GARIN2: variants seen among roughly 807,000 people sequenced by gnomAD.
GARIN2 encodes golgi associated RAB2 interactor family member 2.
At chr14:67,216,272 A>T in the GARIN2 span, among the ~76,000 whole-genome samples, 1 of 152,156 alleles carries the variant, frequency 6.6e-6, no homozygotes, top group East Asian at 1.9e-4. Flanking sequence ...TTCATCTGGG[A>T]TACTAACCTG....
chr14:67,192,374 C>A, the GARIN2 span, among the ~76,000 whole-genome samples: 2 of 151,960 alleles, frequency 1.3e-5, no homozygotes, highest in South Asian at 4.2e-4. Flanking sequence ...TTGTTTGTTT[C>A]TTTCTTTTAT....
chr14:67,200,775 T>C, the GARIN2 span, among the ~76,000 whole-genome samples: 1 of 152,326 alleles, frequency 6.6e-6, no homozygotes, highest in South Asian at 2.1e-4. Context: ...TTTCATTTTT[T>C]CACCTTTCAT....
the GARIN2 span, among the ~76,000 whole-genome samples, chr14:67,203,551 A>T: frequency 0.012 from 1,833 of 152,304 alleles, 19 homozygotes; most frequent in Non-Finnish European, 0.018. Context: ...CCTTTCTAGA[A>T]CATGCCTCCT....
chr14:67,200,952 T>G, the GARIN2 span, among the ~76,000 whole-genome samples: 6 of 152,202 alleles, frequency 3.9e-5, no homozygotes, highest in African/African-American at 1.4e-4. Context: ...TAGCATGTCT[T>G]TGGCAGCAAG....
At chr14:67,226,604 G>A in the GARIN2 span, among the ~76,000 whole-genome samples, 9 of 151,830 alleles carry the variant, frequency 5.9e-5, no homozygotes, top group African/African-American at 7.3e-5. Flanking sequence ...CAAGTGATCC[G>A]CCCGCCTCAG....
chr14:67,219,580 T>C, the GARIN2 span, among the ~76,000 whole-genome samples: 1 of 152,216 alleles, frequency 6.6e-6, no homozygotes, highest in Non-Finnish European at 1.5e-5. Context: ...ACATTAAATA[T>C]TATAAGAATA....
chr14:67,198,191 G>A, the GARIN2 span: 77 of 1,613,728 alleles, frequency 4.8e-5, 1 homozygote, highest in African/African-American at 9.2e-4. Context: ...AGACTACCAT[G>A]AGGATCAATA....
At chr14:67,208,083 C>A in the GARIN2 span, 18 of 1,427,120 alleles carry the variant, frequency 1.3e-5, no homozygotes, top group South Asian at 1.6e-4. Context: ...CCTTACTACT[C>A]CTCACGGGTG....
chr14:67,198,891 C>A, the GARIN2 span: 20 of 686,926 alleles, frequency 2.9e-5, no homozygotes, highest in Middle Eastern at 7.0e-4. Context: ...AGGGGTCATA[C>A]CTCTAAAGTT....
At chr14:67,205,092 A>G in the GARIN2 span, 1 of 1,546,402 alleles carries the variant, frequency 6.5e-7, no homozygotes, top group Non-Finnish European at 8.7e-7. Flanking sequence ...AGGAGAAGGT[A>G]TGTGTCACTG....
At chr14:67,204,452 A>T in the GARIN2 span, 1 of 1,403,658 alleles carries the variant, frequency 7.1e-7, no homozygotes, top group East Asian at 2.6e-5. Context: ...AAAACAAACA[A>T]ACAAATATAT....
At chr14:67,200,464 A>T in the GARIN2 span, 5 of 410,870 alleles carry the variant, frequency 1.2e-5, no homozygotes, top group Non-Finnish European at 2.2e-5. Flanking sequence ...TTTTTAATGT[A>T]ACTTTTTCCA....
the GARIN2 span, among the ~76,000 whole-genome samples, chr14:67,215,407 T>G: frequency 2.3e-4 from 25 of 110,182 alleles, no homozygotes; most frequent in South Asian, 1.1e-3. Flanking sequence ...TGATCTATTG[T>G]TTTTTTTTTT....
At chr14:67,215,814 T>C in the GARIN2 span, among the ~76,000 whole-genome samples, 2 of 152,174 alleles carry the variant, frequency 1.3e-5, no homozygotes, top group Admixed American at 6.6e-5. Flanking sequence ...TTCATTCTTA[T>C]GTCTCAAATC....
the GARIN2 span, chr14:67,204,511 T>A: frequency 6.3e-7 from 1 of 1,598,734 alleles, no homozygotes; most frequent in Non-Finnish European, 8.5e-7. Flanking sequence ...GGTCTCCAGA[T>A]GATGTTACCG....
the GARIN2 span, among the ~76,000 whole-genome samples, chr14:67,192,851 G>T: frequency 7.1e-6 from 1 of 140,298 alleles, no homozygotes; most frequent in African/African-American, 2.6e-5. Context: ...TCTATATATA[G>T]ATATACAGAT....
At chr14:67,191,530 C>A in the GARIN2 span, among the ~76,000 whole-genome samples, 2 of 152,194 alleles carry the variant, frequency 1.3e-5, no homozygotes, top group Non-Finnish European at 2.9e-5. Flanking sequence ...TGGCCATGAA[C>A]ACTCAAGCTG....
At chr14:67,216,455 A>T in the GARIN2 span, among the ~76,000 whole-genome samples, 1 of 151,748 alleles carries the variant, frequency 6.6e-6, no homozygotes, top group East Asian at 1.9e-4. Flanking sequence ...AGTTTGGATT[A>T]TTCATGCTTT....
At chr14:67,209,094 C>T in the GARIN2 span, among the ~76,000 whole-genome samples, 36 of 152,060 alleles carry the variant, frequency 2.4e-4, no homozygotes, top group African/African-American at 7.5e-4. Flanking sequence ...ATTTATTGTC[C>T]GCTGATACAA....
Sources: gnomAD v4.1 joint callset for allele counts (sites outside exome capture counted in the v4.1 genomes callset) on GRCh38, gnomAD v4.1.1 for gene constraint, MANE v1.5 for transcripts, NCBI Gene and HGNC (gene_info 2026-07-23, HGNC 2026-07-21) for gene names.